Variants in MYO10 observed in about 807,000 individuals in gnomAD.
The protein encoded by MYO10 is myosin X, also known as unconventional myosin-X.
A neutral mutation model predicts 257.3 loss-of-function variants in MYO10; 133 were observed. That is an observed-to-expected ratio of 0.52 (90% CI 0.45 to 0.60). The LOEUF (loss-of-function observed/expected upper bound fraction) is 0.60, where lower values mean the gene tolerates loss of function less well. Ranked by LOEUF, MYO10 falls within the 20% of genes least tolerant of loss-of-function variation. The probability of loss-of-function intolerance (pLI) is 0.00; values close to 1 mark genes in which losing one functional copy is unlikely to be tolerated. For synonymous variants in MYO10, 1,104 were observed against 1,028.6 expected, an observed-to-expected ratio of 1.07 and a Z score of -1.40; for missense variants, 2,399 against 2,635.7, an observed-to-expected ratio of 0.91 and a Z score of 1.97.
At chr5:16,799,522 T>TCG (rs1742058963) in intron 3 of MYO10, among the ~76,000 whole-genome samples, 1 of 151,374 alleles carries the variant, frequency 6.6e-6, no homozygotes, top group South Asian at 2.1e-4. Context: ...AGACTGAGTC[T>TCG]CGCTCTGTCA....
intron 2 of MYO10, among the ~76,000 whole-genome samples, chr5:16,847,903 A>T (rs1177753083): frequency 6.6e-6 from 1 of 152,212 alleles, no homozygotes; most frequent in Non-Finnish European, 1.5e-5. Context: ...TCTCTAAAAA[A>T]ATAATAAAGT....
At chr5:16,787,938 G>A (rs376160146) in intron 4 of MYO10, among the ~76,000 whole-genome samples, 7 of 151,988 alleles carry the variant, frequency 4.6e-5, no homozygotes, top group Non-Finnish European at 4.4e-5. Context: ...GATTACAGGC[G>A]CCTGCCACCA....
rs930248932 is a variant in MYO10, at chr5:16,713,518, G to A, written c.1930-2273C>T. On this transcript the variant is annotated intron_variant, in intron 19 of 40. Transcript: ENST00000513610. ...ACCCCTTCCATTCTCGGGCTAATTA[G>A]TGTGGTGTGGTTGTAGGATTTGACA... 3 of 983,980 alleles carry A rather than the reference G, an allele frequency of 3.0e-6. No individual in the cohort carries two copies. The African/African-American group carries it at 5.2e-5, about 17-fold the overall frequency. The allele number at this position is 983,980 out of a possible 1,614,324, so 61.0% of individuals were successfully genotyped here. A position where few individuals can be genotyped will look rare whatever the true frequency, so the allele number is the denominator to read the frequency against.
chr5:16,891,328 G>GAAGA (rs1206368403), intron 1 of MYO10, among the ~76,000 whole-genome samples: 1 of 31,516 alleles, frequency 3.2e-5, no homozygotes, highest in Non-Finnish European at 6.2e-5. Flanking sequence ...GAAAAGGAAG[G>GAAGA]AAGGAAGGAA....
chr5:16,861,043 T>C (rs1245293551), intron 2 of MYO10, among the ~76,000 whole-genome samples: 2 of 152,030 alleles, frequency 1.3e-5, no homozygotes, highest in East Asian at 3.9e-4. Context: ...TTAAAAAACA[T>C]ACCATGGCCT....
At chr5:16,819,054 T>C (rs1038341) in intron 2 of MYO10, among the ~76,000 whole-genome samples, 20,538 of 152,208 alleles carry the variant, frequency 0.13, 1,513 homozygotes, top group South Asian at 0.27. Flanking sequence ...ATTGATTAAA[T>C]AGTCTATATA....
intron 4 of MYO10, among the ~76,000 whole-genome samples, chr5:16,786,247 C>T (rs911115834): frequency 1.1e-4 from 16 of 152,106 alleles, no homozygotes; most frequent in Admixed American, 9.2e-4. Context: ...GGAGAAGATA[C>T]GATACTCTTC....
In MYO10 at chr5:16,680,078, G is replaced by A. The variant is rs751423411; in HGVS notation, c.4411C>T (p.Arg1471Cys). 10 of 1,611,924 alleles carry A rather than the reference G, an allele frequency of 6.2e-6. No homozygotes were observed. The highest frequency in any genetic ancestry group is 2.2e-5 in the East Asian group (1 of 44,748). ...GTGTAGAGCCGGTAACAGTGCTTGC[G>A]CCCGTACACGGTGACGTTCCAGTAG... ...TGYWNVTVYG[R>C]KHCYRLYTKL... The change falls in exon 33 of 41, where the codon CGC (arginine) becomes TGC (cysteine). Residue 1471 changes from arginine (R) to cysteine (C), a missense_variant. Arg to Cys is a radical substitution (Grantham distance 180). Coordinates refer to ENST00000513610, the MANE Select transcript of MYO10 (RefSeq NM_012334.3).
intron 36 of MYO10, among the ~76,000 whole-genome samples, 196 bp downstream of exon 36, chr5:16,673,486 C>T (rs1225360888): frequency 6.6e-6 from 1 of 152,076 alleles, no homozygotes; most frequent in Non-Finnish European, 1.5e-5. Flanking sequence ...TCTGTGTTTC[C>T]ACTCAATATA....
chr5:16,815,560 C>A, intron 3 of MYO10: 1 of 651,564 alleles, frequency 1.5e-6, no homozygotes, highest in Non-Finnish European at 2.8e-6. Flanking sequence ...ATTTTATAAA[C>A]ATTTATTGCA....
chr5:16,670,500 C>T (rs369537673), intron 39 of MYO10, 26 bp downstream of exon 39: 71 of 1,572,128 alleles, frequency 4.5e-5, no homozygotes, highest in Non-Finnish European at 5.9e-5. Flanking sequence ...CCCAGCCCAC[C>T]CCAACACACG....
At chr5:16,821,687 T>C (rs543016507) in intron 2 of MYO10, among the ~76,000 whole-genome samples, 10 of 151,782 alleles carry the variant, frequency 6.6e-5, no homozygotes, top group East Asian at 2.0e-4. Flanking sequence ...AGGATGGTCT[T>C]GATCTCCTGA....
At chr5:16,863,587 T>C (rs761119061) in intron 2 of MYO10, among the ~76,000 whole-genome samples, 96 of 152,270 alleles carry the variant, frequency 6.3e-4, no homozygotes, top group African/African-American at 2.2e-3. Flanking sequence ...AATATGACTG[T>C]TGAAATATAC....
At chr5:16,748,402 G>A (rs1395383056) in intron 19 of MYO10, among the ~76,000 whole-genome samples, 2 of 151,908 alleles carry the variant, frequency 1.3e-5, no homozygotes, top group African/African-American at 2.4e-5. Context: ...ACACCACCAC[G>A]CCCAGCAAAT....
intron 40 of MYO10, among the ~76,000 whole-genome samples, chr5:16,667,089 T>C (rs1443116337): frequency 6.6e-6 from 1 of 152,232 alleles, no homozygotes; most frequent in Non-Finnish European, 1.5e-5. Flanking sequence ...CCGAGGACGC[T>C]GAAGTTACTC....
At position 16,701,560 on chromosome 5, in the gene MYO10, G is replaced by C; in HGVS notation, c.2835C>G (p.Leu945=). Residue 945 remains leucine, a synonymous_variant, in exon 25 of 41, where the codon CTC becomes CTG. Coordinates refer to ENST00000513610, the MANE Select transcript of MYO10 (RefSeq NM_012334.3). This position sits in a 1 kb window ranked among gnomAD's most constrained non-coding sequence, Gnocchi z 8.1. The part of the protein sequence containing the change: ...CRAAQEFLES[L]NFDEIDECVR... ...CACACTCGTCGATCTCGTCGAAATT[G>C]AGGGACTCGAGGAACTCCTGGGCCG... 1 of 1,613,872 alleles carries C rather than the reference G, an allele frequency of 6.2e-7. No homozygotes were observed. Among genetic ancestry groups the C allele is most frequent in the Non-Finnish European group, 8.5e-7 (1 of 1,179,894 alleles).
At chr5:16,801,356 C>CA (rs1402723183) in intron 3 of MYO10, among the ~76,000 whole-genome samples, 2 of 151,970 alleles carry the variant, frequency 1.3e-5, no homozygotes, top group Non-Finnish European at 2.9e-5. Context: ...TACAGGCGCC[C>CA]ACAACCACAC....
At chr5:16,915,718 G>A (rs1398154744) in intron 1 of MYO10, among the ~76,000 whole-genome samples, 6 of 152,216 alleles carry the variant, frequency 3.9e-5, no homozygotes, top group Non-Finnish European at 8.8e-5. Context: ...CACTTTGGTA[G>A]GCCAAGGCGG....
At chr5:16,912,907 T>C (rs549987913) in intron 1 of MYO10, among the ~76,000 whole-genome samples, 1 of 150,926 alleles carries the variant, frequency 6.6e-6, no homozygotes, top group South Asian at 2.1e-4. Context: ...TTCTCTTAGT[T>C]TGGGATGATT....
Sources: allele counts gnomAD v4.1 joint callset (sites outside exome capture counted in the v4.1 genomes callset), GRCh38; gene constraint gnomAD v4.1.1; non-coding constraint Gnocchi (gnomAD v3.1); transcripts MANE v1.5; gene names NCBI Gene and HGNC (gene_info 2026-07-23, HGNC 2026-07-21).